The following BCCIP variants were observed in gnomAD, a reference collection of about 807,000 sequenced individuals.
BCCIP encodes BRCA2 and CDKN1A interacting protein, also known as BRCA2 and CDKN1A-interacting protein.
A neutral mutation model predicts 32.8 loss-of-function variants in BCCIP; 23 were observed. That is an observed-to-expected ratio of 0.70 (90% CI 0.51 to 0.99). The LOEUF is 0.99. Ranked by LOEUF, BCCIP falls within the 50% of genes least tolerant of loss-of-function variation. BCCIP has a pLI of 0.00. For missense variants in BCCIP, 378 were observed against 379.8 expected (o/e 1.00, Z 0.04); for synonymous variants, 144 against 137.6 (o/e 1.05, Z -0.33).
chr10:125,838,879 A>T (rs1225679805), downstream of BCCIP: 2 of 1,165,068 alleles, frequency 1.7e-6, no homozygotes, highest in Non-Finnish European at 2.4e-6. Context: ...ATCTTTAATA[A>T]TAACATGGAT....
At chr10:125,827,719 C>G (rs1854432162) in intron 3 of BCCIP, 81 bp downstream of exon 3, 1 of 1,131,402 alleles carries the variant, frequency 8.8e-7, no homozygotes, top group Non-Finnish European at 1.3e-6. Context: ...CTTGTAATCC[C>G]AGCACTTTGG....
chr10:125,841,057 A>C, downstream of BCCIP: 2 of 1,551,602 alleles, frequency 1.3e-6, no homozygotes, highest in Non-Finnish European at 1.8e-6. Context: ...TTAGCCTAAC[A>C]TGCAGAGGGG....
At chr10:125,850,766 T>C (rs1944080689) in intron 7 of BCCIP, among the ~76,000 whole-genome samples, 1 of 152,252 alleles carries the variant, frequency 6.6e-6, no homozygotes, top group Non-Finnish European at 1.5e-5. Flanking sequence ...CAAAGAATCA[T>C]AGATCATACC....
At chr10:125,845,194 T>G (rs1024860997), downstream of BCCIP, among the ~76,000 whole-genome samples, 1 of 152,186 alleles carries the variant, frequency 6.6e-6, no homozygotes, top group Non-Finnish European at 1.5e-5. Context: ...CATGTTCTTA[T>G]AGTGTTCTTA....
chr10:125,834,875 G>A (rs1313981279), intron 6 of BCCIP, among the ~76,000 whole-genome samples: 2 of 151,920 alleles, frequency 1.3e-5, no homozygotes, highest in East Asian at 1.9e-4. Context: ...GCTCACGCCT[G>A]TAATCCCAGC....
At chr10:125,849,152 C>T (rs538757314) in intron 7 of BCCIP, among the ~76,000 whole-genome samples, 79 of 152,292 alleles carry the variant, frequency 5.2e-4, no homozygotes, top group African/African-American at 1.8e-3. Context: ...CTGAATTCAT[C>T]GCAAAATAAA....
At chr10:125,849,283 A>G (rs1339984553) in intron 7 of BCCIP, among the ~76,000 whole-genome samples, 2 of 152,188 alleles carry the variant, frequency 1.3e-5, no homozygotes, top group Non-Finnish European at 1.5e-5. Flanking sequence ...ATCAACTTAA[A>G]TGATAAGCCA....
At chr10:125,833,984 G>A (rs1854589124) in intron 6 of BCCIP, 38 bp downstream of exon 6, 1 of 1,595,516 alleles carries the variant, frequency 6.3e-7, no homozygotes, top group Non-Finnish European at 8.6e-7. Context: ...ATGTAAATAA[G>A]GATTTTCTTG....
At chr10:125,837,912 C>T (rs1318494879), downstream of BCCIP, among the ~76,000 whole-genome samples, 1 of 152,180 alleles carries the variant, frequency 6.6e-6, no homozygotes, top group African/African-American at 2.4e-5. Context: ...AAGCTCATTC[C>T]TCTCAAGGTC....
At chr10:125,852,949 T>C (rs529609690) in intron 7 of BCCIP, among the ~76,000 whole-genome samples, 1 of 152,320 alleles carries the variant, frequency 6.6e-6, no homozygotes, top group East Asian at 1.9e-4. Flanking sequence ...TGATAACATA[T>C]GCTCATATGT....
downstream of BCCIP, among the ~76,000 whole-genome samples, chr10:125,837,631 CCAGGGCTGGTCTTGAACTCT>C (rs2134020020): frequency 6.6e-6 from 1 of 152,226 alleles, no homozygotes; most frequent in Non-Finnish European, 1.5e-5. Flanking sequence ...TGCTATGTTG[CCAGGGCTGGTCTTGAACTCT>C]TGGGCTCAAG....
chr10:125,841,348 G>C, downstream of BCCIP: 1 of 1,614,018 alleles, frequency 6.2e-7, no homozygotes, highest in Non-Finnish European at 8.5e-7. Flanking sequence ...TGTTCCCCCA[G>C]TATTAGAATA....
chr10:125,828,013 C>T (rs930386307), intron 3 of BCCIP, among the ~76,000 whole-genome samples: 3 of 142,690 alleles, frequency 2.1e-5, no homozygotes, highest in African/African-American at 5.2e-5. Context: ...CTGTTTAGCT[C>T]AAATTGGAAG....
chr10:125,825,521 C>G (rs1445413845), intron 1 of BCCIP: 1 of 152,190 alleles, frequency 6.6e-6, no homozygotes, highest in Non-Finnish European at 1.5e-5. Flanking sequence ...CATTTGAAGT[C>G]TGCAAAGCTG....
intron 7 of BCCIP, among the ~76,000 whole-genome samples, chr10:125,848,595 G>A (rs188936743): frequency 1.3e-5 from 2 of 152,308 alleles, no homozygotes; most frequent in African/African-American, 4.8e-5. Flanking sequence ...GTCCAGTGCT[G>A]TTGCTGTTAT....
intron 1 of BCCIP, 136 bp downstream of exon 1, chr10:125,823,858 C>G (rs1034164783): frequency 1.0e-5 from 13 of 1,304,412 alleles, no homozygotes; most frequent in Non-Finnish European, 1.3e-5. Flanking sequence ...AGTTCTTTCT[C>G]AGGTTTCTCC....
rs201323964 is a variant in BCCIP, at chr10:125,835,595, C to CA, written c.775-506dup. 5.2e-3 allele frequency among the ~76,000 whole-genome samples: 745 copies of CA among 143,630 alleles called. 3 individuals carry two copies. Among genetic ancestry groups the CA allele is most frequent in the African/African-American group, 0.017 (651 of 39,394 alleles). 94.2% of individuals were successfully genotyped at this position (143,630 alleles called of 152,430 possible). On this transcript the variant is annotated intron_variant, in intron 6 of 6. Transcript: ENST00000278100. ...CTCTGTCTCAAAAAAAAAAAACAAACAAACAAAAAAAACAAAACCATATGC... is the reference window on the plus strand; with the variant it reads ...CTCTGTCTCAAAAAAAAAAAACAAACAAAACAAAAAAAACAAAACCATATGC...
intron 7 of BCCIP, among the ~76,000 whole-genome samples, chr10:125,849,307 C>T (rs1043143614): frequency 1.3e-5 from 2 of 152,184 alleles, no homozygotes; most frequent in Non-Finnish European, 2.9e-5. Context: ...AGTTCCCAGG[C>T]CCACAAGAGC....
chr10:125,838,631 G>A (rs1854776002), downstream of BCCIP, among the ~76,000 whole-genome samples: 1 of 152,152 alleles, frequency 6.6e-6, no homozygotes, highest in South Asian at 2.1e-4. Context: ...GTGCAGCTGT[G>A]AGGTTAATGT....
Sources: gnomAD v4.1 joint callset for allele counts (sites outside exome capture counted in the v4.1 genomes callset) on GRCh38, gnomAD v4.1.1 for gene constraint, MANE v1.5 for transcripts, NCBI Gene and HGNC (gene_info 2026-07-23, HGNC 2026-07-21) for gene names.